DGKH: variants seen among roughly 807,000 people sequenced by gnomAD.
DGKH encodes DAG kinase eta.
DGKH carries 90 observed loss-of-function variants against 159.3 expected under a neutral mutation model. That is an observed-to-expected ratio of 0.57 (90% CI 0.48 to 0.67). The LOEUF (loss-of-function observed/expected upper bound fraction) is 0.67. DGKH is among the 30% of genes least tolerant of loss of function. The pLI, the probability that DGKH is intolerant of heterozygous loss-of-function variation, is 0.00. For missense variants in DGKH, 1,181 were observed against 1,506.1 expected (o/e 0.78, Z 3.57); for synonymous variants, 536 against 553.8 (o/e 0.97, Z 0.45).
chr13:42,110,815 T>C (rs956219557), intron 1 of DGKH, among the ~76,000 whole-genome samples: 10 of 152,250 alleles, frequency 6.6e-5, no homozygotes, highest in African/African-American at 2.4e-4. Context: ...TGTCTGGTAT[T>C]TATACAGCAT....
rs113799173 is a variant in DGKH, at chr13:42,190,504, G to A, written c.2014G>A (p.Gly672Ser). 129 of 1,599,010 alleles carry A rather than the reference G, an allele frequency of 8.1e-5. No individual in the cohort carries two copies. In the African/African-American group the frequency reaches 1.2e-3, roughly 15 times the overall value. Residue 672 changes from glycine (G) to serine (S), a missense_variant, in exon 16 of 30, where the codon GGT becomes AGT. Gly to Ser is a moderately conservative substitution (Grantham distance 56). Coordinates refer to ENST00000337343, the MANE Select transcript of DGKH (RefSeq NM_178009.5). Reference sequence around the variant, plus strand: ...ATCTAAGGAGGAAGCTAAAGATGATGGTGCCAAAGAATCAATAACTGGTGA... The same window carrying A: ...ATCTAAGGAGGAAGCTAAAGATGATAGTGCCAAAGAATCAATAACTGGTGA... ...DESKEEAKDD[G>S]AKESITVKTA...
intron 3 of DGKH, among the ~76,000 whole-genome samples, chr13:42,154,281 AG>A (rs1235197733): frequency 6.6e-6 from 1 of 152,226 alleles, no homozygotes; most frequent in Non-Finnish European, 1.5e-5. Context: ...CTTTGGAAAT[AG>A]TTTCCAGGTA....
chr13:42,202,863 A>G (rs917633268), intron 20 of DGKH, among the ~76,000 whole-genome samples: 1 of 152,220 alleles, frequency 6.6e-6, no homozygotes, highest in Admixed American at 6.5e-5. Context: ...TTTTTTGCCC[A>G]TAATATACGT....
At chr13:42,092,182 AG>A (rs1335527466) in intron 1 of DGKH, among the ~76,000 whole-genome samples, 4 of 152,222 alleles carry the variant, frequency 2.6e-5, no homozygotes, top group Non-Finnish European at 4.4e-5. Context: ...AAGTAGTAGA[AG>A]GTTCCTCTAC....
intron 1 of DGKH, among the ~76,000 whole-genome samples, chr13:42,068,761 A>T (rs1456132715): frequency 1.3e-5 from 2 of 152,238 alleles, no homozygotes. Context: ...AGTTAAAATG[A>T]AAACTATCTC....
intron 1 of DGKH, among the ~76,000 whole-genome samples, chr13:42,096,507 T>C (rs569952649): frequency 6.6e-6 from 1 of 152,346 alleles, no homozygotes; most frequent in East Asian, 1.9e-4. Flanking sequence ...ACACCTGGGA[T>C]GATTCCATGT....
At chr13:42,069,367 C>T in intron 1 of DGKH, 1 of 1,486,828 alleles carries the variant, frequency 6.7e-7, no homozygotes, top group Admixed American at 1.9e-5. Context: ...ATTCCTTTTT[C>T]CTGTTTTTCT....
chr13:42,157,004 T>G (rs1594111212), intron 5 of DGKH, among the ~76,000 whole-genome samples: 1 of 152,208 alleles, frequency 6.6e-6, no homozygotes, highest in Non-Finnish European at 1.5e-5. Context: ...AATGAGGGAA[T>G]ACATACAATA....
At chr13:42,247,269 G>C (rs1188150800), downstream of DGKH, among the ~76,000 whole-genome samples, 1 of 137,146 alleles carries the variant, frequency 7.3e-6, no homozygotes, top group Non-Finnish European at 1.5e-5. Context: ...TTGCTCTGTT[G>C]GTCCAGGCTG....
At chr13:42,163,402 G>A (rs1407944647) in intron 7 of DGKH, among the ~76,000 whole-genome samples, 1 of 152,094 alleles carries the variant, frequency 6.6e-6, no homozygotes, top group Admixed American at 6.6e-5. Context: ...GGGTCAAATG[G>A]TATTTCTAGT....
chr13:42,146,740 A>G (rs1039206554), intron 3 of DGKH, among the ~76,000 whole-genome samples: 14 of 152,218 alleles, frequency 9.2e-5, no homozygotes, highest in African/African-American at 3.1e-4. Context: ...AACAGAGCAT[A>G]TAGTTGTTGT....
At chr13:42,174,194 A>AG (rs750951215) in intron 12 of DGKH, 50 bp downstream of exon 12, 7 of 1,369,396 alleles carry the variant, frequency 5.1e-6, no homozygotes, top group Non-Finnish European at 4.1e-6. Context: ...GGATATCTTG[A>AG]GAAAAAAAAA....
rs369204515 is a variant in DGKH, at chr13:42,168,471, C to T, written c.1150C>T (p.Arg384Trp). The change falls in exon 10 of 30, where the codon CGG (arginine) becomes TGG (tryptophan). Residue 384 changes from arginine (R) to tryptophan (W), a missense_variant. Arg to Trp is a moderately radical substitution (Grantham distance 101). Around this residue, in one of 5 missense-constraint regions of DGKH, gnomAD observed 369 missense variants for 519.4 expected, o/e 0.71. Coordinates refer to ENST00000337343, the MANE Select transcript of DGKH (RefSeq NM_178009.5). ...ATTATTTCAGAAGTTTGACAATTTC[C>T]GGATTCTTGTTTGTGGAGGCGATGG... The part of the protein sequence containing the change: ...LRLFQKFDNF[R>W]ILVCGGDGSV... 5.0e-6 allele frequency: 8 copies of T among 1,613,886 alleles called. No homozygotes were observed. The highest frequency in any genetic ancestry group is 3.3e-5 in the Admixed American group (2 of 59,996).
intron 1 of DGKH, among the ~76,000 whole-genome samples, chr13:42,102,045 G>A (rs1304468733): frequency 6.6e-6 from 1 of 152,212 alleles, no homozygotes; most frequent in African/African-American, 2.4e-5. Context: ...CTAACCCTCA[G>A]CCCAGCATCT....
At chr13:42,213,028 A>G (rs530821460) in intron 24 of DGKH, among the ~76,000 whole-genome samples, 2 of 152,322 alleles carry the variant, frequency 1.3e-5, no homozygotes, top group South Asian at 4.1e-4. Flanking sequence ...AGGTTGGCAT[A>G]GTATATGCAA....
chr13:42,171,127 TG>T (rs1956444806), intron 11 of DGKH, among the ~76,000 whole-genome samples: 1 of 152,218 alleles, frequency 6.6e-6, no homozygotes, highest in Non-Finnish European at 1.5e-5. Context: ...ACTAATTTTT[TG>T]TCTGCTAGCA....
At chr13:42,174,205 A>AG in intron 12 of DGKH, 61 bp downstream of exon 12, 2 of 1,315,110 alleles carry the variant, frequency 1.5e-6, no homozygotes, top group Non-Finnish European at 2.2e-6. Flanking sequence ...GAAAAAAAAA[A>AG]GAAAGAGAGA....
At chr13:42,123,003 G>A (rs909297681) in intron 1 of DGKH, among the ~76,000 whole-genome samples, 25 of 152,112 alleles carry the variant, frequency 1.6e-4, no homozygotes, top group South Asian at 4.1e-4. Flanking sequence ...AATTTTTAGC[G>A]TTATAAAAAG....
intron 11 of DGKH, 78 bp from the exon 12 acceptor site, chr13:42,173,982 T>TGC (rs66477624): frequency 0.33 from 263,074 of 806,318 alleles, 36,492 homozygotes; most frequent in Admixed American, 0.52. Flanking sequence ...TGTGTGTGTG[T>TGC]GCGCGTTTAT....
Sources: allele counts gnomAD v4.1 joint callset (sites outside exome capture counted in the v4.1 genomes callset), GRCh38; gene constraint gnomAD v4.1.1; regional missense constraint gnomAD v4.1.1; transcripts MANE v1.5; gene names NCBI Gene and HGNC (gene_info 2026-07-23, HGNC 2026-07-21).